The following MAGI1 variants were observed in gnomAD, a reference collection of about 807,000 sequenced individuals.
MAGI1 encodes membrane-associated guanylate kinase, WW and PDZ domain-containing protein 1.
MAGI1 carries 58 observed loss-of-function variants against 139.9 expected under a neutral mutation model. The ratio of observed to expected loss-of-function variants is 0.41; its 90% CI spans 0.34 to 0.52. The LOEUF (loss-of-function observed/expected upper bound fraction) is 0.52, where lower values mean the gene tolerates loss of function less well. Among genes scored for constraint, MAGI1 ranks in the 20% least tolerant of loss-of-function variants. MAGI1 has a pLI of 0.12. For missense variants in MAGI1, 1,874 were observed against 1,901.6 expected (o/e 0.99, Z 0.27); for synonymous variants, 812 against 737.9 (o/e 1.10, Z -1.63).
intron 2 of MAGI1, among the ~76,000 whole-genome samples, chr3:65,519,896 A>G (rs1391563747): frequency 6.6e-6 from 1 of 152,194 alleles, no homozygotes; most frequent in Non-Finnish European, 1.5e-5. Flanking sequence ...TTGAAGGAAT[A>G]AGGCAGGCAT....
rs537298178 is a variant in MAGI1 at position 65,805,570 on chromosome 3, C to T, written c.314-183482G>A. Among the ~76,000 whole-genome samples the T allele has an allele frequency of 1.5e-4, 23 of 152,214 alleles. 1 individual carries two copies. In the South Asian group the frequency reaches 2.1e-3, roughly 14 times the overall value. On this transcript the variant is annotated intron_variant, in intron 1 of 22. Coordinates refer to ENST00000402939, the MANE Select transcript of MAGI1 (RefSeq NM_001033057.2). ...CTAGAACCAGAAATACCATTTGACC[C>T]GGCAATCCCATTACTGGGTATATAC...
intron 1 of MAGI1, among the ~76,000 whole-genome samples, chr3:65,827,173 C>T (rs1203845231): frequency 6.6e-6 from 1 of 152,208 alleles, no homozygotes; most frequent in Non-Finnish European, 1.5e-5. Context: ...TCACAACTAT[C>T]TGGGTAGCTC....
chr3:65,635,134 G>A (rs2084537132), intron 1 of MAGI1, among the ~76,000 whole-genome samples: 1 of 152,022 alleles, frequency 6.6e-6, no homozygotes, highest in Non-Finnish European at 1.5e-5. Flanking sequence ...GTGTGGTCGT[G>A]GCTCTCTGCA....
At chr3:65,993,926 A>G (rs1473725713) in intron 1 of MAGI1, among the ~76,000 whole-genome samples, 1 of 152,100 alleles carries the variant, frequency 6.6e-6, no homozygotes, top group East Asian at 1.9e-4. Flanking sequence ...TGCCCTCAAG[A>G]AGTTTACCAT....
chr3:65,463,572 G>A (rs1293365651), intron 5 of MAGI1, among the ~76,000 whole-genome samples: 5 of 149,040 alleles, frequency 3.4e-5, no homozygotes, highest in African/African-American at 1.2e-4. Flanking sequence ...GTGTGTGTGT[G>A]TGTGTGTGTG....
At position 65,798,228 on chromosome 3, in the gene MAGI1, C is replaced by T. The variant is rs974518957; in HGVS notation, c.314-176140G>A. ...CTTAGAAAAGAGAATCACTTGAACC[C>T]GGGAGACGGAGCTTGCCGTGAGCCG... is the stretch of plus-strand genomic sequence containing the variant. On this transcript the variant is annotated intron_variant, in intron 1 of 22. Transcript: ENST00000402939. Among the ~76,000 whole-genome samples the T allele has an allele frequency of 3.3e-5, 5 of 151,372 alleles. No individual in the cohort carries two copies. In the East Asian group the frequency reaches 5.9e-4, roughly 18 times the overall value.
chr3:65,890,051 GC>G (rs2108567353), intron 1 of MAGI1, among the ~76,000 whole-genome samples: 1 of 152,232 alleles, frequency 6.6e-6, no homozygotes, highest in South Asian at 2.1e-4. Context: ...CCAGTTTTTA[GC>G]TCCAGATGAC....
chr3:65,965,532 TGATA>T (rs2064696778), intron 1 of MAGI1, among the ~76,000 whole-genome samples: 1 of 152,130 alleles, frequency 6.6e-6, no homozygotes, highest in Admixed American at 6.5e-5. Context: ...TATTAACACC[TGATA>T]GAGACTTACT....
At chr3:65,384,957 C>T (rs965065978) in intron 14 of MAGI1, among the ~76,000 whole-genome samples, 4 of 152,074 alleles carry the variant, frequency 2.6e-5, no homozygotes, top group African/African-American at 9.7e-5. Flanking sequence ...ATACTATTAC[C>T]AAAATCAGCC....
chr3:65,593,106 A>G (rs2082039544), intron 2 of MAGI1, among the ~76,000 whole-genome samples: 2 of 152,204 alleles, frequency 1.3e-5, no homozygotes, highest in African/African-American at 4.8e-5. Context: ...AAAGGGATAT[A>G]GCAAAAGCAT....
At chr3:65,597,012 G>T (rs2106798451) in intron 2 of MAGI1, among the ~76,000 whole-genome samples, 1 of 152,226 alleles carries the variant, frequency 6.6e-6, no homozygotes, top group East Asian at 1.9e-4. Context: ...AGCTTACAAA[G>T]CCCTCCAAAG....
At chr3:65,708,804 C>G (rs989968176) in intron 1 of MAGI1, among the ~76,000 whole-genome samples, 12 of 152,170 alleles carry the variant, frequency 7.9e-5, no homozygotes, top group Non-Finnish European at 1.3e-4. Flanking sequence ...CTCAATCAAC[C>G]CTTCCCTTCT....
intron 1 of MAGI1, among the ~76,000 whole-genome samples, chr3:65,924,320 C>G (rs1256369847): frequency 6.6e-6 from 1 of 152,130 alleles, no homozygotes; most frequent in Non-Finnish European, 1.5e-5. Flanking sequence ...ACTAAAATGC[C>G]CGAATTAAGA....
chr3:65,540,916 G>A (rs1229022765), intron 2 of MAGI1, among the ~76,000 whole-genome samples: 1 of 152,176 alleles, frequency 6.6e-6, no homozygotes, highest in Non-Finnish European at 1.5e-5. Flanking sequence ...GGGATTCAGG[G>A]CTCCCCGTGG....
intron 2 of MAGI1, among the ~76,000 whole-genome samples, chr3:65,557,750 G>A (rs2080154781): frequency 6.6e-6 from 1 of 152,094 alleles, no homozygotes; most frequent in Non-Finnish European, 1.5e-5. Flanking sequence ...CTCTGTGACA[G>A]GCCTCAAAAA....
chr3:66,027,722 C>T (rs1300074768), intron 1 of MAGI1, among the ~76,000 whole-genome samples: 12 of 152,124 alleles, frequency 7.9e-5, no homozygotes, highest in Non-Finnish European at 2.9e-5. Flanking sequence ...ACTCAGATTC[C>T]CAGTATCAAG....
chr3:65,741,416 C>T (rs1288271444), intron 1 of MAGI1, among the ~76,000 whole-genome samples: 2 of 152,160 alleles, frequency 1.3e-5, no homozygotes, highest in Non-Finnish European at 1.5e-5. Context: ...CCTCCTGATC[C>T]GCCCGCCTCG....
chr3:65,473,638 A>G (rs9968220), intron 4 of MAGI1, among the ~76,000 whole-genome samples: 4 of 101,826 alleles, frequency 3.9e-5, no homozygotes, highest in South Asian at 7.0e-4. Context: ...CTACATGTTT[A>G]CAAAAAAAAA....
chr3:65,486,706 A>C (rs1951660088), intron 3 of MAGI1, among the ~76,000 whole-genome samples: 1 of 152,084 alleles, frequency 6.6e-6, no homozygotes, highest in African/African-American at 2.4e-5. Context: ...TCTACTAATA[A>C]CTTCTATGCC....
Sources: gnomAD v4.1 joint callset for allele counts (sites outside exome capture counted in the v4.1 genomes callset) on GRCh38, gnomAD v4.1.1 for gene constraint, MANE v1.5 for transcripts, NCBI Gene and HGNC (gene_info 2026-07-23, HGNC 2026-07-21) for gene names.